Variants in MCPH1 observed in about 807,000 individuals in gnomAD.
MCPH1 encodes the protein microcephalin 1.
A neutral mutation model predicts 84.5 loss-of-function variants in MCPH1; 104 were observed. That is an observed-to-expected ratio of 1.23 (90% CI 1.05 to 1.45). The LOEUF (loss-of-function observed/expected upper bound fraction) is 1.45, where lower values mean the gene tolerates loss of function less well. Ranked by LOEUF, MCPH1 falls within the 40% of genes most tolerant of loss-of-function variation. The pLI, the probability that MCPH1 is intolerant of heterozygous loss-of-function variation, is 0.00. For missense variants in MCPH1, 1,498 were observed against 1,005.7 expected (o/e 1.49, Z -6.62); for synonymous variants, 514 against 366.8 (o/e 1.40, Z -4.58).
intron 1 of MCPH1, among the ~76,000 whole-genome samples, chr8:6,408,039 C>G (rs1797986501): frequency 2.6e-5 from 4 of 152,106 alleles, no homozygotes; most frequent in Admixed American, 2.6e-4. Context: ...ACTGTATTGG[C>G]CACAAAGCCT....
rs140515804 is a variant in MCPH1 at position 6,610,816 on chromosome 8, A to C, written c.2215-10638A>C. Among the ~76,000 whole-genome samples the C allele has an allele frequency of 3.8e-3, 579 of 152,060 alleles. 5 individuals are homozygous for C. The highest frequency in any genetic ancestry group is 0.013 in the African/African-American group (554 of 41,392). On this transcript the variant is annotated intron_variant, in intron 12 of 13. Coordinates refer to ENST00000344683, the MANE Select transcript of MCPH1 (RefSeq NM_024596.5). ...TGCCCATTTCCTTAAAACTAAGAAC[A>C]TAAGACGCTGATTTTTCTTCCAGAA... is the stretch of plus-strand genomic sequence containing the variant.
chr8:6,626,585 T>C, intron 13 of MCPH1: 1 of 984,476 alleles, frequency 1.0e-6, no homozygotes, highest in Non-Finnish European at 1.2e-6. Context: ...AAATAAAATG[T>C]TACCTTTACC....
chr8:6,570,450 T>C (rs1233894572), intron 12 of MCPH1, among the ~76,000 whole-genome samples: 1 of 152,202 alleles, frequency 6.6e-6, no homozygotes, highest in African/African-American at 2.4e-5. Flanking sequence ...GGCCATTTCC[T>C]TTCCTGGGAA....
At position 6,445,083 on chromosome 8, in the gene MCPH1, G is replaced by A. The variant is rs777858366; in HGVS notation, c.1361G>A (p.Ser454Asn). 17 of 1,614,142 alleles carry A rather than the reference G, an allele frequency of 1.1e-5. No individual in the cohort carries two copies. Among genetic ancestry groups the A allele is most frequent in the South Asian group, 3.3e-5 (3 of 91,088 alleles). The change falls in exon 8 of 14, where the codon AGC (serine) becomes AAC (asparagine). Residue 454 changes from serine to asparagine, a missense_variant. Coordinates refer to ENST00000344683, the MANE Select transcript of MCPH1 (RefSeq NM_024596.5). ...CRSLSKKERT[S>N]IFEMSDFSCV... is the part of the protein sequence containing the mutation. Reference sequence around the variant, plus strand: ...AGTCTTTCTAAGAAGGAGAGAACAAGCATATTTGAAATGTCTGATTTTTCC... The same window carrying A: ...AGTCTTTCTAAGAAGGAGAGAACAAACATATTTGAAATGTCTGATTTTTCC...
Position 6,550,268 on chromosome 8 carries a change from C to T in MCPH1, c.2214+50339C>T, listed in dbSNP as rs536885940. ...CGTCACTGATGCGCAGCTCAGGCAG[C>T]AGCCATGGGGAGGTTGAATCCCCGG... On this transcript the variant is annotated intron_variant, in intron 12 of 13. Transcript: ENST00000344683. Among the ~76,000 whole-genome samples the T allele has an allele frequency of 2.6e-5, 4 of 152,358 alleles. No homozygotes were observed. The East Asian group carries it at 7.7e-4, about 29-fold the overall frequency.
At chr8:6,522,699 G>A (rs543115054) in intron 12 of MCPH1, among the ~76,000 whole-genome samples, 76 of 151,638 alleles carry the variant, frequency 5.0e-4, no homozygotes, top group African/African-American at 1.8e-3. Flanking sequence ...GCTTGAACCC[G>A]GGAGGTGGAG....
intron 12 of MCPH1, chr8:6,503,094 G>C: frequency 6.2e-7 from 1 of 1,614,122 alleles, no homozygotes; most frequent in Non-Finnish European, 8.5e-7. Context: ...CAGGTGGACT[G>C]GGATGTTTAG....
intron 12 of MCPH1, among the ~76,000 whole-genome samples, chr8:6,602,550 T>C (rs1300036656): frequency 6.6e-6 from 1 of 152,070 alleles, no homozygotes; most frequent in Non-Finnish European, 1.5e-5. Context: ...GGCTGTGCTC[T>C]CCCACTCAGA....
intron 3 of MCPH1, 143 bp downstream of exon 3, chr8:6,415,026 C>A: frequency 1.3e-6 from 1 of 748,978 alleles, no homozygotes; most frequent in Non-Finnish European, 2.1e-6. Context: ...ATTTGAAATC[C>A]TCCAGCCTCA....
rs770709238 is a variant in MCPH1, at chr8:6,621,702, A to T, written c.2452+11A>T. ...AGAAATGGGTCTTAGGTAAGAATCC[A>T]GGCACACAGACGCTGTGGTGTGGTC... is the stretch of plus-strand genomic sequence containing the variant. On this transcript the variant is annotated intron_variant, in intron 13 of 13. Coordinates refer to ENST00000344683, the MANE Select transcript of MCPH1 (RefSeq NM_024596.5). The T allele has an allele frequency of 6.2e-7, 1 of 1,614,070 alleles. No homozygotes were observed. The highest frequency in any genetic ancestry group is 8.5e-7 in the Non-Finnish European group (1 of 1,180,016).
At chr8:6,462,801 G>A (rs1806429971) in intron 9 of MCPH1, among the ~76,000 whole-genome samples, 1 of 152,220 alleles carries the variant, frequency 6.6e-6, no homozygotes, top group Admixed American at 6.5e-5. Context: ...CATGCAAAGA[G>A]TTTAAGATAG....
At chr8:6,518,822 A>G (rs1358429613) in intron 12 of MCPH1, among the ~76,000 whole-genome samples, 5 of 152,244 alleles carry the variant, frequency 3.3e-5, no homozygotes, top group African/African-American at 1.2e-4. Flanking sequence ...CAGTAGTTAC[A>G]TAACACTTCA....
chr8:6,539,158 C>G (rs148814584), intron 12 of MCPH1, among the ~76,000 whole-genome samples: 2 of 152,320 alleles, frequency 1.3e-5, no homozygotes, highest in Non-Finnish European at 2.9e-5. Context: ...TTGGGCAGCA[C>G]TTTGTCCTCC....
At chr8:6,431,005 G>A (rs900901180) in intron 3 of MCPH1, among the ~76,000 whole-genome samples, 2 of 152,198 alleles carry the variant, frequency 1.3e-5, no homozygotes, top group Non-Finnish European at 2.9e-5. Flanking sequence ...TTGGCAATGC[G>A]GAGCATTGGT....
chr8:6,603,720 G>A lies in MCPH1; in HGVS notation c.2215-17734G>A, dbSNP rs76055424. 2.7e-3 allele frequency among the ~76,000 whole-genome samples: 405 copies of A among 152,298 alleles called. 1 individual carries two copies. The highest frequency in any genetic ancestry group is 6.8e-3 in the Middle Eastern group (2 of 294). On this transcript the variant is annotated intron_variant, in intron 12 of 13. Transcript: ENST00000344683. ...CAGATAAATAATCAGAAAGTAGGTT[G>A]TGCAAGGTTTTAAGAAGAGGATCCA...
intron 13 of MCPH1, among the ~76,000 whole-genome samples, chr8:6,639,401 T>A (rs1399488010): frequency 6.6e-6 from 1 of 152,190 alleles, no homozygotes; most frequent in Non-Finnish European, 1.5e-5. Flanking sequence ...GTGACTCACA[T>A]GTATAATCTA....
intron 12 of MCPH1, among the ~76,000 whole-genome samples, chr8:6,585,465 C>T (rs1214213015): frequency 6.6e-6 from 1 of 152,258 alleles, no homozygotes; most frequent in Non-Finnish European, 1.5e-5. Context: ...CCGGGTGCAC[C>T]ATTGCAGCTG....
intron 13 of MCPH1, among the ~76,000 whole-genome samples, chr8:6,622,758 T>C (rs1462272147): frequency 6.6e-6 from 1 of 152,198 alleles, no homozygotes; most frequent in East Asian, 1.9e-4. Flanking sequence ...ATCCCTGGTA[T>C]CTCTGTGTGT....
intron 12 of MCPH1, among the ~76,000 whole-genome samples, chr8:6,564,143 G>A (rs948940213): frequency 1.3e-5 from 2 of 151,970 alleles, no homozygotes; most frequent in Non-Finnish European, 2.9e-5. Flanking sequence ...CACCACACCC[G>A]GCTAATTTTT....
Sources: allele counts gnomAD v4.1 joint callset (sites outside exome capture counted in the v4.1 genomes callset), GRCh38; gene constraint gnomAD v4.1.1; transcripts MANE v1.5; gene names NCBI Gene and HGNC (gene_info 2026-07-23, HGNC 2026-07-21).